CAMK2D: variants seen among roughly 807,000 people sequenced by gnomAD.
CAMK2D encodes calcium/calmodulin dependent protein kinase II delta, also known as calcium/calmodulin-dependent protein kinase type II subunit delta.
CAMK2D carries 37 observed loss-of-function variants against 84.0 expected under a neutral mutation model. That is an observed-to-expected ratio of 0.44 (90% CI 0.34 to 0.58). The LOEUF is 0.58. CAMK2D is among the 20% of genes least tolerant of loss of function. The probability of loss-of-function intolerance (pLI) is 0.02; values close to 1 mark genes in which losing one functional copy is unlikely to be tolerated. For synonymous variants in CAMK2D, 202 were observed against 212.5 expected, an observed-to-expected ratio of 0.95 and a Z score of 0.43; for missense variants, 448 against 652.5, an observed-to-expected ratio of 0.69 and a Z score of 3.41.
chr4:113,733,674 C>T (rs1306028327), intron 2 of CAMK2D, among the ~76,000 whole-genome samples: 1 of 152,196 alleles, frequency 6.6e-6, no homozygotes, highest in African/African-American at 2.4e-5. Flanking sequence ...GATATAGTTA[C>T]TTAACATGTT....
intron 2 of CAMK2D, among the ~76,000 whole-genome samples, chr4:113,730,518 C>T (rs115939317): frequency 0.01 from 1,565 of 152,206 alleles, 12 homozygotes; most frequent in Non-Finnish European, 0.016. Context: ...CATCTTCTAC[C>T]AAACTGCAAT....
intron 2 of CAMK2D, among the ~76,000 whole-genome samples, chr4:113,698,912 A>G (rs1444872030): frequency 6.6e-6 from 1 of 152,136 alleles, no homozygotes; most frequent in Admixed American, 6.6e-5. Flanking sequence ...GGGGTGGAGA[A>G]GAGGGGAATT....
chr4:113,512,937 T>A (rs1034258886), intron 12 of CAMK2D, among the ~76,000 whole-genome samples: 1 of 152,222 alleles, frequency 6.6e-6, no homozygotes, highest in Non-Finnish European at 1.5e-5. Context: ...CAAAAATAAC[T>A]TATTCAAAGT....
chr4:113,547,900 C>A (rs144661028), intron 5 of CAMK2D, among the ~76,000 whole-genome samples, 184 bp from the exon 6 acceptor site: 1 of 152,322 alleles, frequency 6.6e-6, no homozygotes, highest in East Asian at 1.9e-4. Context: ...TCAGATCTTA[C>A]CAGATGTGAG....
At chr4:113,505,084 A>T (rs1195559269) in intron 13 of CAMK2D, 49 bp from the exon 14 acceptor site, 1 of 1,127,812 alleles carries the variant, frequency 8.9e-7, no homozygotes, top group Non-Finnish European at 1.3e-6. Flanking sequence ...ACCCCTTGGT[A>T]GCCAATGTCT....
rs1201150899 is a variant in CAMK2D, at chr4:113,691,314, T to C, written c.161-29542A>G. Among the ~76,000 whole-genome samples, 3 of 152,348 alleles carry C rather than the reference T, an allele frequency of 2.0e-5. No homozygotes were observed. The East Asian group carries it at 5.8e-4, about 29-fold the overall frequency. On this transcript the variant is annotated intron_variant, in intron 2 of 20. Transcript: ENST00000511664. ...GTTCAGAACATGAAGGTATATACTT[T>C]AGATTACAGCTATCTGTGCCTCCTG... is the stretch of plus-strand genomic sequence containing the variant.
chr4:113,492,593 TG>T (rs2097859404), intron 16 of CAMK2D, among the ~76,000 whole-genome samples: 1 of 151,860 alleles, frequency 6.6e-6, no homozygotes, highest in South Asian at 2.1e-4. Flanking sequence ...AGGTGTGGTG[TG>T]GTGCTGAAAA....
chr4:113,517,622 G>T lies in CAMK2D; in HGVS notation c.637C>A (p.Pro213Thr). 1 of 1,587,848 alleles carries T rather than the reference G, an allele frequency of 6.3e-7. No individual in the cohort carries two copies. The highest frequency in any genetic ancestry group is 8.6e-7 in the Non-Finnish European group (1 of 1,156,642). The change falls in exon 9 of 21, where the codon CCC becomes ACC. Residue 213 changes from proline to threonine, a missense_variant. Pro to Thr is a conservative substitution (Grantham distance 38). Around this residue, in one of 7 missense-constraint regions of CAMK2D, gnomAD observed 69 missense variants for 175.6 expected, o/e 0.39. Transcript: ENST00000511664. The stretch of plus-strand genomic sequence containing the variant: ...CTGTGTTGGTCTTCATCCCAGAAGG[G>T]TGGATACCCCACAAGTAGAATATAG... Reference protein sequence around the residue: ...ILYILLVGYPPFWDEDQHRLY... With the variant: ...ILYILLVGYPTFWDEDQHRLY...
chr4:113,461,940 A>G (rs183698170), intron 17 of CAMK2D, among the ~76,000 whole-genome samples: 116 of 152,340 alleles, frequency 7.6e-4, no homozygotes, highest in African/African-American at 2.6e-3. Flanking sequence ...ATCACAGTGG[A>G]TATCCTTTGT....
chr4:113,578,141 T>C (rs1480965454), intron 4 of CAMK2D, among the ~76,000 whole-genome samples: 8 of 152,206 alleles, frequency 5.3e-5, no homozygotes, highest in Non-Finnish European at 8.8e-5. Context: ...AAGAAAGATA[T>C]TCTGTTCCCA....
intron 2 of CAMK2D, among the ~76,000 whole-genome samples, chr4:113,685,506 T>C (rs1457565316): frequency 6.6e-6 from 1 of 151,942 alleles, no homozygotes; most frequent in South Asian, 2.1e-4. Flanking sequence ...TCCCAAAGTG[T>C]TGGGATTACA....
At chr4:113,704,393 A>G (rs1438961543) in intron 2 of CAMK2D, among the ~76,000 whole-genome samples, 1 of 151,980 alleles carries the variant, frequency 6.6e-6, no homozygotes, top group Non-Finnish European at 1.5e-5. Flanking sequence ...ATATAAGAAC[A>G]AGAGAAAATT....
At chr4:113,594,406 T>C (rs2098913934) in intron 4 of CAMK2D, among the ~76,000 whole-genome samples, 1 of 152,130 alleles carries the variant, frequency 6.6e-6, no homozygotes, top group East Asian at 1.9e-4. Flanking sequence ...AAACACAGTT[T>C]GAAGAGACTG....
chr4:113,556,903 G>A (rs1174437538), intron 4 of CAMK2D, among the ~76,000 whole-genome samples: 1 of 152,178 alleles, frequency 6.6e-6, no homozygotes, highest in East Asian at 1.9e-4. Flanking sequence ...CACAGGAAGA[G>A]CTTAATAAAT....
At chr4:113,545,863 G>A (rs1002914863) in intron 6 of CAMK2D, among the ~76,000 whole-genome samples, 2 of 152,216 alleles carry the variant, frequency 1.3e-5, no homozygotes, top group Non-Finnish European at 2.9e-5. Context: ...GGTGGGGAAT[G>A]CAGCAAGTTA....
Position 113,509,675 on chromosome 4 carries a change from G to T in CAMK2D, c.947C>A (p.Ala316Glu). ...TGGTTTCTTCAACAAACTCTTGGCT[G>T]CTGTAAAATGAGAGTAAAATCAGTT... Reference protein sequence around the residue: ...TTMLATRNFSAAKSLLKKPDG... With the variant: ...TTMLATRNFSEAKSLLKKPDG... The change falls in exon 13 of 21, where the codon GCA becomes GAA. Residue 316 changes from alanine (A) to glutamate (E), a missense_variant and splice_region_variant. Physicochemically the swap from Ala to Glu is moderately radical, Grantham distance 107. Coordinates refer to ENST00000511664, the MANE Select transcript of CAMK2D (RefSeq NM_001321571.2). 6.2e-7 allele frequency: 1 copy of T among 1,606,144 alleles called. No individual in the cohort carries two copies. Among genetic ancestry groups the T allele is most frequent in the Non-Finnish European group, 8.5e-7 (1 of 1,172,756 alleles).
At chr4:113,524,532 AT>A (rs1341907488) in intron 8 of CAMK2D, among the ~76,000 whole-genome samples, 2 of 152,170 alleles carry the variant, frequency 1.3e-5, no homozygotes, top group Non-Finnish European at 2.9e-5. Flanking sequence ...TGTTTAAGCT[AT>A]TTATCTGTCA....
At chr4:113,600,948 T>C (rs1368019441) in intron 4 of CAMK2D, among the ~76,000 whole-genome samples, 1 of 152,146 alleles carries the variant, frequency 6.6e-6, no homozygotes, top group African/African-American at 2.4e-5. Flanking sequence ...GGTATAGATA[T>C]GTTAAGAAGA....
At chr4:113,676,781 T>G (rs1054219428) in intron 2 of CAMK2D, among the ~76,000 whole-genome samples, 1 of 152,318 alleles carries the variant, frequency 6.6e-6, no homozygotes, top group Admixed American at 6.5e-5. Flanking sequence ...CTAAAATAGC[T>G]CTTGTCTCTT....
Sources: gnomAD v4.1 joint callset for allele counts (sites outside exome capture counted in the v4.1 genomes callset) on GRCh38, gnomAD v4.1.1 for gene constraint, gnomAD v4.1.1 regional missense constraint, MANE v1.5 for transcripts, NCBI Gene and HGNC (gene_info 2026-07-23, HGNC 2026-07-21) for gene names.